The following SPHKAP variants were observed in gnomAD, a reference collection of about 807,000 sequenced individuals.
SPHKAP encodes SPHK1 interactor, AKAP domain containing.
A neutral mutation model predicts 137.5 loss-of-function variants in SPHKAP; 67 were observed. The observed-to-expected ratio is 0.49, with a 90% CI of 0.40 to 0.60. The LOEUF is 0.60. Among genes scored for constraint, SPHKAP ranks in the 20% least tolerant of loss-of-function variants. The pLI is 0.00. For synonymous variants in SPHKAP, 813 were observed against 785.3 expected (o/e 1.04, Z -0.59); for missense variants, 2,097 against 2,069.3 (o/e 1.01, Z -0.26).
intron 2 of SPHKAP, among the ~76,000 whole-genome samples, chr2:228,117,046 T>A (rs1698734177): frequency 6.6e-6 from 1 of 152,146 alleles, no homozygotes. Context: ...TCTTGTAAAG[T>A]CTTTGTAATA....
At chr2:228,153,152 A>G (rs1403674922) in intron 1 of SPHKAP, among the ~76,000 whole-genome samples, 1 of 152,096 alleles carries the variant, frequency 6.6e-6, no homozygotes, top group African/African-American at 2.4e-5. Context: ...TTTTCTTTAT[A>G]AATTACCCAG....
intron 3 of SPHKAP, among the ~76,000 whole-genome samples, chr2:228,103,425 C>G (rs764946635): frequency 6.6e-6 from 1 of 152,196 alleles, no homozygotes; most frequent in Non-Finnish European, 1.5e-5. Context: ...AAGTAGGTCC[C>G]TTCTGCACCC....
At chr2:228,047,622 C>T (rs183212253) in intron 3 of SPHKAP, among the ~76,000 whole-genome samples, 2 of 152,244 alleles carry the variant, frequency 1.3e-5, no homozygotes, top group South Asian at 2.1e-4. Context: ...ATTCACTTTA[C>T]TCACTCACTT....
chr2:228,041,076 A>G (rs1243885620), intron 3 of SPHKAP, among the ~76,000 whole-genome samples: 1 of 152,224 alleles, frequency 6.6e-6, no homozygotes, highest in Non-Finnish European at 1.5e-5. Context: ...GAAAATTAAC[A>G]TATTAAAAAT....
chr2:228,138,877 T>C (rs901472082), intron 1 of SPHKAP, among the ~76,000 whole-genome samples: 4 of 152,214 alleles, frequency 2.6e-5, no homozygotes, highest in Non-Finnish European at 5.9e-5. Context: ...TGATGTATTA[T>C]CCAAGAATGA....
At chr2:228,157,952 T>C (rs1489567826) in intron 1 of SPHKAP, among the ~76,000 whole-genome samples, 1 of 152,216 alleles carries the variant, frequency 6.6e-6, no homozygotes, top group Non-Finnish European at 1.5e-5. Context: ...CCATGGTTAT[T>C]AGCCTGCTGT....
In SPHKAP at chr2:228,019,013, G is replaced by A; in HGVS notation, c.1841C>T (p.Ala614Val). 6.2e-7 allele frequency: 1 copy of A among 1,613,942 alleles called. No homozygotes were observed. Among genetic ancestry groups the A allele is most frequent in the Non-Finnish European group, 8.5e-7 (1 of 1,179,918 alleles). Reference sequence around the variant, plus strand: ...CTCCTTGAGCAATCCCTTGGCAATGGCTTCCTTGCCAAGCTCCATGCTTGC... The same window carrying A: ...CTCCTTGAGCAATCCCTTGGCAATGACTTCCTTGCCAAGCTCCATGCTTGC... Reference protein sequence around the residue: ...GLASMELGKEAIAKGLLKEAA... With the variant: ...GLASMELGKEVIAKGLLKEAA... Residue 614 changes from alanine (A) to valine (V), a missense_variant, in exon 7 of 12, where the codon GCC becomes GTC. Transcript: ENST00000392056.
intron 5 of SPHKAP, 52 bp from the exon 6 acceptor site, chr2:228,022,018 T>C: frequency 6.6e-7 from 1 of 1,517,166 alleles, no homozygotes; most frequent in South Asian, 1.4e-5. Flanking sequence ...AATAAAAGAC[T>C]ATTGCCTCTG....
chr2:228,105,903 G>A (rs149789201), intron 3 of SPHKAP, among the ~76,000 whole-genome samples: 1 of 152,204 alleles, frequency 6.6e-6, no homozygotes, highest in African/African-American at 2.4e-5. Context: ...TTTATCAGCA[G>A]CATGTAAACA....
intron 3 of SPHKAP, among the ~76,000 whole-genome samples, chr2:228,047,199 C>G (rs943008288): frequency 1.3e-5 from 2 of 152,144 alleles, no homozygotes; most frequent in African/African-American, 2.4e-5. Flanking sequence ...GGTGCAGTGG[C>G]TAATGCCTGT....
At chr2:228,090,689 A>G (rs528106628) in intron 3 of SPHKAP, among the ~76,000 whole-genome samples, 64 of 150,624 alleles carry the variant, frequency 4.2e-4, no homozygotes, top group African/African-American at 1.5e-3. Context: ...CTTAGTGCCA[A>G]CTCCTTGATG....
At chr2:228,105,957 A>G (rs540982056) in intron 3 of SPHKAP, among the ~76,000 whole-genome samples, 33 of 152,204 alleles carry the variant, frequency 2.2e-4, no homozygotes, top group Non-Finnish European at 4.7e-4. Flanking sequence ...AGATGTCTTC[A>G]GGGGGCTTCT....
chr2:228,150,658 T>C (rs1437572766), intron 1 of SPHKAP, among the ~76,000 whole-genome samples: 1 of 152,034 alleles, frequency 6.6e-6, no homozygotes, highest in Non-Finnish European at 1.5e-5. Flanking sequence ...TTTATGGGCT[T>C]CTACCCCTCT....
chr2:227,992,073 C>T (rs1247713058), intron 9 of SPHKAP, among the ~76,000 whole-genome samples: 1 of 152,034 alleles, frequency 6.6e-6, no homozygotes, highest in African/African-American at 2.4e-5. Context: ...GTAAATGTTT[C>T]TAAAGTAAGA....
chr2:228,138,243 A>G (rs1007961438), intron 1 of SPHKAP, among the ~76,000 whole-genome samples: 1 of 152,140 alleles, frequency 6.6e-6, no homozygotes, highest in African/African-American at 2.4e-5. Flanking sequence ...CCCTCTTAGT[A>G]ATTTTCTGTT....
At chr2:228,027,973 A>G (rs1695121067) in intron 3 of SPHKAP, 4 of 972,506 alleles carry the variant, frequency 4.1e-6, no homozygotes, top group Non-Finnish European at 4.9e-6. Context: ...AAAAAAAAAA[A>G]AAAGAAAAAA....
At chr2:228,132,659 C>T in intron 1 of SPHKAP, 1 of 176,886 alleles carries the variant, frequency 5.7e-6, no homozygotes, top group South Asian at 1.9e-4. Context: ...GTCAAATCTT[C>T]TTAATGGGCT....
chr2:228,170,979 C>G (rs1295588780), intron 1 of SPHKAP, among the ~76,000 whole-genome samples: 1 of 152,100 alleles, frequency 6.6e-6, no homozygotes, highest in African/African-American at 2.4e-5. Context: ...CACAGATACT[C>G]AGGTCATAAA....
chr2:228,018,664 A>G lies in SPHKAP; in HGVS notation c.2190T>C (p.Leu730=). ...TFKKMSHIVR[L]GECPAVLSKE... ...TAGAAAGGACAGCAGGACATTCACC[A>G]AGCCGTACAATATGACTCATCTTCT... Residue 730 remains leucine (L), a synonymous_variant, in exon 7 of 12, where the codon CTT becomes CTC. Coordinates refer to ENST00000392056, the MANE Select transcript of SPHKAP (RefSeq NM_001142644.2). 6.2e-7 allele frequency: 1 copy of G among 1,614,182 alleles called. No homozygotes were observed. Among genetic ancestry groups the G allele is most frequent in the South Asian group, 1.1e-5 (1 of 91,080 alleles).
Sources: gnomAD v4.1 joint callset for allele counts (sites outside exome capture counted in the v4.1 genomes callset) on GRCh38, gnomAD v4.1.1 for gene constraint, MANE v1.5 for transcripts, NCBI Gene and HGNC (gene_info 2026-07-23, HGNC 2026-07-21) for gene names.